The following ADAMTSL3 variants were observed in gnomAD, a reference collection of about 807,000 sequenced individuals.
The protein encoded by ADAMTSL3 is ADAMTS-like protein 3.
Under a neutral mutation model 201.7 loss-of-function variants are expected in ADAMTSL3, and 128 were observed. That is an observed-to-expected ratio of 0.63 (90% CI 0.55 to 0.73). ADAMTSL3 has a LOEUF of 0.73. ADAMTSL3 is among the 30% of genes least tolerant of loss of function. ADAMTSL3 has a pLI of 0.00. For synonymous variants in ADAMTSL3, 738 were observed against 748.4 expected (o/e 0.99, Z 0.23); for missense variants, 1,990 against 2,119.6 (o/e 0.94, Z 1.20).
At chr15:83,827,820 A>T (rs1168163180) in intron 6 of ADAMTSL3, among the ~76,000 whole-genome samples, 1 of 152,076 alleles carries the variant, frequency 6.6e-6, no homozygotes, top group Non-Finnish European at 1.5e-5. Flanking sequence ...CAAAGATCAG[A>T]TGGTTGTAGA....
rs911824289 is a variant in ADAMTSL3 at position 83,838,271 on chromosome 15, C to T, written c.727+56C>T. The T allele has an allele frequency of 1.7e-5, 26 of 1,548,300 alleles. No homozygotes were observed. In the Admixed American group the frequency reaches 3.1e-4, roughly 18 times the overall value. On this transcript the variant is annotated intron_variant, in intron 7 of 29. Transcript: ENST00000286744. ...TCATACAAGATATATTTTAGACTGTCTATTGCTAGAATAACATTTTCTGAA... is the reference window on the plus strand; with the variant it reads ...TCATACAAGATATATTTTAGACTGTTTATTGCTAGAATAACATTTTCTGAA...
intron 21 of ADAMTSL3, among the ~76,000 whole-genome samples, chr15:83,987,252 T>G (rs1413011026): frequency 6.6e-6 from 1 of 152,246 alleles, no homozygotes; most frequent in African/African-American, 2.4e-5. Flanking sequence ...CTGAGACACT[T>G]TCGCTGTTTT....
rs150268072 is a variant in ADAMTSL3 at position 84,021,553 on chromosome 15, G to T, written c.4417G>T (p.Ala1473Ser). 7.4e-6 allele frequency: 12 copies of T among 1,614,062 alleles called. No homozygotes were observed. The African/African-American group carries it at 1.5e-4, about 20-fold the overall frequency. The change falls in exon 26 of 30, where the codon GCT (alanine) becomes TCT (serine). Residue 1473 changes from alanine (A) to serine (S), a missense_variant. Coordinates refer to ENST00000286744, the MANE Select transcript of ADAMTSL3 (RefSeq NM_207517.3). ...GTGTGATCACCTCCAGAAGCCACTG[G>T]CTGGGTTTGAGCCCTGTAACATCCG... ...ALCDHLQKPL[A>S]GFEPCNIRDC...
chr15:83,849,217 T>C (rs2064560440), intron 7 of ADAMTSL3, among the ~76,000 whole-genome samples: 1 of 152,098 alleles, frequency 6.6e-6, no homozygotes, highest in African/African-American at 2.4e-5. Flanking sequence ...GCCTCGACCT[T>C]CTGGGTTCAA....
At chr15:83,860,841 C>T (rs1321394922) in intron 8 of ADAMTSL3, among the ~76,000 whole-genome samples, 1 of 152,146 alleles carries the variant, frequency 6.6e-6, no homozygotes, top group Non-Finnish European at 1.5e-5. Context: ...GTGCAGCACA[C>T]TGAGCCTGAG....
Position 83,820,056 on chromosome 15 carries a change from A to G in ADAMTSL3, c.600+9A>G. 1 of 1,599,650 alleles carries G rather than the reference A, an allele frequency of 6.3e-7. No individual in the cohort carries two copies. The highest frequency in any genetic ancestry group is 1.1e-5 in the South Asian group (1 of 90,804). On this transcript the variant is annotated intron_variant, in intron 6 of 29. Transcript: ENST00000286744. Reference sequence around the variant, plus strand: ...TCAGTGGCATCTGTCAGGTAAGCACACTTACCTCCCAATCCCCTGCTTTGG... The same window carrying G: ...TCAGTGGCATCTGTCAGGTAAGCACGCTTACCTCCCAATCCCCTGCTTTGG...
At chr15:83,718,188 G>A (rs1252419611) in intron 3 of ADAMTSL3, among the ~76,000 whole-genome samples, 1 of 152,144 alleles carries the variant, frequency 6.6e-6, no homozygotes, top group Middle Eastern at 3.2e-3. Flanking sequence ...CTTAATAGCA[G>A]TGATCTAGTG....
intron 3 of ADAMTSL3, among the ~76,000 whole-genome samples, chr15:83,770,207 T>TA (rs2062957940): frequency 6.6e-6 from 1 of 152,212 alleles, no homozygotes; most frequent in African/African-American, 2.4e-5. Context: ...TTAATATGAT[T>TA]ATCTAATGAT....
intron 23 of ADAMTSL3, 84 bp from the exon 24 acceptor site, chr15:84,014,458 A>G: frequency 7.6e-7 from 1 of 1,307,440 alleles, no homozygotes; most frequent in South Asian, 1.3e-5. Flanking sequence ...CTTACGGTCA[A>G]AACAGTGAAT....
At chr15:83,822,449 C>G (rs1237886771) in intron 6 of ADAMTSL3, among the ~76,000 whole-genome samples, 1 of 128,300 alleles carries the variant, frequency 7.8e-6, no homozygotes, top group Non-Finnish European at 1.6e-5. Flanking sequence ...GGGGCGGTTG[C>G]CAGGCGGAGG....
chr15:84,016,550 G>A (rs755264320), intron 25 of ADAMTSL3, 51 bp downstream of exon 25: 1 of 1,443,524 alleles, frequency 6.9e-7, no homozygotes. Flanking sequence ...CATGTGTAAG[G>A]AAAAGGATTT....
intron 9 of ADAMTSL3, among the ~76,000 whole-genome samples, chr15:83,880,907 A>G (rs981233552): frequency 7.1e-5 from 10 of 140,100 alleles, no homozygotes; most frequent in African/African-American, 2.7e-4. Context: ...TGTTTATAAT[A>G]TCTATTTTTT....
intron 15 of ADAMTSL3, among the ~76,000 whole-genome samples, chr15:83,903,946 A>AGGGAGGGAGGGAGGGG (rs2065783321): frequency 2.5e-5 from 1 of 39,786 alleles, no homozygotes; most frequent in Non-Finnish European, 4.1e-5. Flanking sequence ...AAAAAAAAAG[A>AGGGAGGGAGGGAGGGG]AAAAAGAAAG....
chr15:83,983,273 T>C lies in ADAMTSL3; in HGVS notation c.3645T>C (p.Cys1215=), dbSNP rs755033420. ...TKRTEVINIL[C]DLITPSEATY... ...GGACAGAGGTCATCAATATACTGTG[T>C]GACCTTATTACCCCCAGTGAGGCCA... Residue 1215 remains cysteine, a synonymous_variant, in exon 21 of 30, where the codon TGT becomes TGC. Coordinates refer to ENST00000286744, the MANE Select transcript of ADAMTSL3 (RefSeq NM_207517.3). The C allele has an allele frequency of 2.5e-6, 4 of 1,608,974 alleles. No homozygotes were observed. In the East Asian group the frequency reaches 6.7e-5, roughly 27 times the overall value.
At chr15:83,669,263 A>C (rs1375540245) in intron 2 of ADAMTSL3, among the ~76,000 whole-genome samples, 1 of 151,982 alleles carries the variant, frequency 6.6e-6, no homozygotes, top group African/African-American at 2.4e-5. Flanking sequence ...CTCCTGCCTT[A>C]GCCACCCCAG....
chr15:83,759,764 G>A (rs2062779399), intron 3 of ADAMTSL3, among the ~76,000 whole-genome samples: 1 of 152,158 alleles, frequency 6.6e-6, no homozygotes, highest in South Asian at 2.1e-4. Flanking sequence ...ACTCAGAAGA[G>A]TTTGTCCTGC....
chr15:83,793,399 T>C (rs2063373600), intron 4 of ADAMTSL3, among the ~76,000 whole-genome samples: 1 of 152,222 alleles, frequency 6.6e-6, no homozygotes, highest in African/African-American at 2.4e-5. Flanking sequence ...CCACAGTGTA[T>C]AGATACTTGA....
At chr15:83,790,707 A>C (rs2063331234) in intron 4 of ADAMTSL3, among the ~76,000 whole-genome samples, 1 of 152,182 alleles carries the variant, frequency 6.6e-6, no homozygotes, top group South Asian at 2.1e-4. Flanking sequence ...GAGAAGAAAA[A>C]TACAACTGTC....
At position 84,038,115 on chromosome 15, in the gene ADAMTSL3, G is replaced by A. The variant is rs753244404; in HGVS notation, c.*309G>A. 21 of 303,268 alleles carry A rather than the reference G, an allele frequency of 6.9e-5. No individual in the cohort carries two copies. Among genetic ancestry groups the A allele is most frequent in the African/African-American group, 3.0e-4 (14 of 46,374 alleles). 18.8% of individuals were successfully genotyped at this position (303,268 alleles called of 1,614,324 possible). On this transcript the variant is annotated 3_prime_UTR_variant, in exon 30 of 30. Coordinates refer to ENST00000286744, the MANE Select transcript of ADAMTSL3 (RefSeq NM_207517.3). The stretch of plus-strand genomic sequence containing the variant: ...ACCAAGATTATGAGTGCATCCTCAC[G>A]TGCTGCCTCTTTCCTGTGATATGTA...
Sources: allele counts gnomAD v4.1 joint callset (sites outside exome capture counted in the v4.1 genomes callset), GRCh38; gene constraint gnomAD v4.1.1; transcripts MANE v1.5; gene names NCBI Gene and HGNC (gene_info 2026-07-23, HGNC 2026-07-21).